The following DISC1 variants were observed in gnomAD, a reference collection of about 807,000 sequenced individuals.
DISC1 encodes DISC1 scaffold protein.
In DISC1, 57 loss-of-function variants were observed where a neutral mutation model predicts 84.5. The observed-to-expected ratio is 0.67, with a 90% CI of 0.55 to 0.84. The LOEUF (loss-of-function observed/expected upper bound fraction) is 0.84. DISC1 is among the 40% of genes least tolerant of loss of function. The pLI is 0.00. For synonymous variants in DISC1, 411 were observed against 415.2 expected, an observed-to-expected ratio of 0.99 and a Z score of 0.12; for missense variants, 1,000 against 1,057.8, an observed-to-expected ratio of 0.95 and a Z score of 0.76.
At chr1:231,757,432 C>T (rs746436918) in intron 4 of DISC1, among the ~76,000 whole-genome samples, 8 of 152,168 alleles carry the variant, frequency 5.3e-5, no homozygotes, top group Non-Finnish European at 1.0e-4. Flanking sequence ...TTTGTTGTCA[C>T]TTTGTTCTTA....
chr1:231,988,157 G>A (rs908359262), intron 10 of DISC1, among the ~76,000 whole-genome samples: 4 of 152,180 alleles, frequency 2.6e-5, no homozygotes, highest in Non-Finnish European at 2.9e-5. Flanking sequence ...CTGCACTCCA[G>A]CCTGGGCGAC....
At chr1:231,797,389 C>T (rs888170032) in intron 7 of DISC1, among the ~76,000 whole-genome samples, 3 of 152,120 alleles carry the variant, frequency 2.0e-5, no homozygotes, top group South Asian at 2.1e-4. Context: ...GTACTGTAGA[C>T]GAGGTGGCTT....
intron 9 of DISC1, among the ~76,000 whole-genome samples, chr1:231,902,470 G>A (rs1170697503): frequency 2.0e-5 from 3 of 151,982 alleles, no homozygotes; most frequent in African/African-American, 7.2e-5. Flanking sequence ...GTGTGGTGGT[G>A]CATGCTTGTA....
At chr1:231,829,914 A>G (rs1238414563) in intron 9 of DISC1, among the ~76,000 whole-genome samples, 1 of 152,050 alleles carries the variant, frequency 6.6e-6, no homozygotes, top group Admixed American at 6.6e-5. Context: ...AGCCAGGATG[A>G]GCCAGGAGAA....
At chr1:231,753,379 G>A (rs896022632) in intron 4 of DISC1, among the ~76,000 whole-genome samples, 1 of 152,238 alleles carries the variant, frequency 6.6e-6, no homozygotes, top group Non-Finnish European at 1.5e-5. Flanking sequence ...CTTATGGCTT[G>A]CACCCTCAGA....
chr1:232,018,847 A>T (rs921019443), intron 11 of DISC1, among the ~76,000 whole-genome samples: 1 of 152,198 alleles, frequency 6.6e-6, no homozygotes, highest in African/African-American at 2.4e-5. Context: ...TCCCTGTGGC[A>T]AGAAAATTAT....
intron 9 of DISC1, among the ~76,000 whole-genome samples, chr1:231,917,740 C>T (rs1289452122): frequency 6.6e-6 from 1 of 152,222 alleles, no homozygotes; most frequent in Non-Finnish European, 1.5e-5. Context: ...CCTCACTGTT[C>T]TTCCCCGCCT....
rs556519589 is a variant in DISC1, at chr1:231,807,492, T to A, written c.1792+7282T>A. Among the ~76,000 whole-genome samples the A allele has an allele frequency of 6.6e-5, 10 of 152,372 alleles. No homozygotes were observed. The East Asian group carries it at 1.3e-3, about 21-fold the overall frequency. On this transcript the variant is annotated intron_variant, in intron 8 of 12. Transcript: ENST00000439617. ...CTCAAAAGACAGCCAGTAGAAGTAT[T>A]TGTTTTTCAAAAAATGGACCCTCAT...
chr1:231,959,161 C>T (rs1198065225), intron 10 of DISC1: 2 of 1,111,904 alleles, frequency 1.8e-6, no homozygotes, highest in Non-Finnish European at 2.2e-6. Context: ...ATCTTCTTTA[C>T]TATATTAAAT....
At chr1:231,733,468 ATGG>A (rs2071914573) in intron 3 of DISC1, among the ~76,000 whole-genome samples, 1 of 142,208 alleles carries the variant, frequency 7.0e-6, no homozygotes, top group Non-Finnish European at 1.6e-5. Context: ...AGTGGTGGTG[ATGG>A]TAGGAGTGGT....
intron 1 of DISC1, among the ~76,000 whole-genome samples, chr1:231,639,532 C>G (rs1278861408): frequency 1.3e-5 from 2 of 152,224 alleles, no homozygotes; most frequent in Admixed American, 1.3e-4. Flanking sequence ...GATCAGAATA[C>G]TTCAACTTGC....
intron 9 of DISC1, among the ~76,000 whole-genome samples, chr1:231,923,301 A>AC (rs1318910850): frequency 6.7e-6 from 1 of 149,968 alleles, no homozygotes; most frequent in African/African-American, 2.4e-5. Context: ...ACAAAACAAA[A>AC]AAAACCAAAA....
intron 6 of DISC1, among the ~76,000 whole-genome samples, chr1:231,784,080 T>G (rs1388987113): frequency 6.6e-6 from 1 of 152,024 alleles, no homozygotes; most frequent in Admixed American, 6.6e-5. Flanking sequence ...TGTCCCAACA[T>G]GGTGAAACCC....
At chr1:231,626,979 TG>T in intron 1 of DISC1, 45 bp downstream of exon 1, 1 of 1,358,536 alleles carries the variant, frequency 7.4e-7, no homozygotes, top group South Asian at 1.4e-5. Flanking sequence ...GGGGGGGTCC[TG>T]GCAAGGAGGG....
chr1:231,833,110 C>T (rs1014635812), intron 9 of DISC1, among the ~76,000 whole-genome samples: 74 of 149,926 alleles, frequency 4.9e-4, no homozygotes, highest in Middle Eastern at 3.4e-3. Flanking sequence ...GGAAGAAGGG[C>T]GGCAATGAGA....
intron 3 of DISC1, among the ~76,000 whole-genome samples, chr1:231,734,477 A>G (rs1047906845): frequency 1.8e-4 from 19 of 104,594 alleles, no homozygotes; most frequent in African/African-American, 5.8e-4. Context: ...TATTGGCATC[A>G]CGTGCTCTCT....
chr1:231,992,370 T>C (rs1050787891), intron 10 of DISC1, among the ~76,000 whole-genome samples: 8 of 152,218 alleles, frequency 5.3e-5, no homozygotes, highest in African/African-American at 1.9e-4. Flanking sequence ...GCTTTTTTAC[T>C]TCTTGACTTT....
intron 3 of DISC1, among the ~76,000 whole-genome samples, chr1:231,729,822 C>T (rs1171637999): frequency 6.6e-6 from 1 of 151,936 alleles, no homozygotes. Flanking sequence ...GTACAACCCC[C>T]TTGGCTTTGG....
rs1204065341 is a variant in DISC1, at chr1:232,039,992, T to A, written c.*3161T>A. The A allele has an allele frequency of 6.6e-6, 1 of 151,958 alleles. No homozygotes were observed. The highest frequency in any genetic ancestry group is 2.4e-5 in the African/African-American group (1 of 41,366). 9.4% of individuals were successfully genotyped at this position (151,958 alleles called of 1,614,324 possible). A position where few individuals can be genotyped will look rare whatever the true frequency, so the allele number is the denominator to read the frequency against. Reference sequence around the variant, plus strand: ...CCAGTTCCATCCAACTTTCTGAAATTTCATTTTTTTTTTTGAGATGGAGTC... The same window carrying A: ...CCAGTTCCATCCAACTTTCTGAAATATCATTTTTTTTTTTGAGATGGAGTC... On this transcript the variant is annotated 3_prime_UTR_variant, in exon 13 of 13. Transcript: ENST00000439617.
Sources: gnomAD v4.1 joint callset for allele counts (sites outside exome capture counted in the v4.1 genomes callset) on GRCh38, gnomAD v4.1.1 for gene constraint, MANE v1.5 for transcripts, NCBI Gene and HGNC (gene_info 2026-07-23, HGNC 2026-07-21) for gene names.